Variants in NALF1 observed in about 807,000 individuals in gnomAD.
NALF1 encodes NALCN channel auxiliary factor 1, also known as family with sequence similarity 155 member A.
NALF1 carries 3 observed loss-of-function variants against 48.4 expected under a neutral mutation model. The ratio of observed to expected loss-of-function variants is 0.06; its 90% confidence interval spans 0.03 to 0.16. The LOEUF (loss-of-function observed/expected upper bound fraction) is 0.16, where lower values mean the gene tolerates loss of function less well. Ranked by LOEUF, NALF1 falls within the 10% of genes least tolerant of loss-of-function variation. The pLI, the probability that NALF1 is intolerant of heterozygous loss-of-function variation, is 1.00. For missense variants in NALF1, 526 were observed against 571.5 expected, an observed-to-expected ratio of 0.92 and a Z score of 0.81; for synonymous variants, 262 against 245.7, an observed-to-expected ratio of 1.07 and a Z score of -0.62.
At chr13:107,330,952 T>C (rs1229065708) in intron 1 of NALF1, among the ~76,000 whole-genome samples, 2 of 152,232 alleles carry the variant, frequency 1.3e-5, no homozygotes, top group African/African-American at 4.8e-5. Flanking sequence ...TGAATGACTT[T>C]TTAAAATAGT....
chr13:107,817,563 G>A (rs1212336213), intron 1 of NALF1, among the ~76,000 whole-genome samples: 1 of 152,146 alleles, frequency 6.6e-6, no homozygotes, highest in Non-Finnish European at 1.5e-5. Context: ...TCCTCTTAAA[G>A]AAATCCTTGT....
intron 1 of NALF1, among the ~76,000 whole-genome samples, chr13:107,277,144 T>A (rs1414044694): frequency 6.6e-6 from 1 of 152,196 alleles, no homozygotes; most frequent in African/African-American, 2.4e-5. Flanking sequence ...GAATACTGAG[T>A]ATCTGCCCGG....
chr13:107,350,852 C>T (rs1882860101), intron 1 of NALF1, among the ~76,000 whole-genome samples: 1 of 152,164 alleles, frequency 6.6e-6, no homozygotes, highest in Non-Finnish European at 1.5e-5. Flanking sequence ...ACACCAGAGA[C>T]TGCATTTCTA....
chr13:107,428,896 A>T (rs770955158), intron 1 of NALF1, among the ~76,000 whole-genome samples: 2 of 152,226 alleles, frequency 1.3e-5, no homozygotes, highest in African/African-American at 2.4e-5. Flanking sequence ...GGCTTAAGTG[A>T]ATCATTAGAC....
chr13:107,477,717 AT>A (rs1008115092), intron 1 of NALF1, among the ~76,000 whole-genome samples: 38 of 151,984 alleles, frequency 2.5e-4, no homozygotes, highest in African/African-American at 8.7e-4. Flanking sequence ...TTTTAAGAGC[AT>A]TTATTTTAGG....
At chr13:107,394,331 G>C (rs1475857248) in intron 1 of NALF1, among the ~76,000 whole-genome samples, 2 of 152,138 alleles carry the variant, frequency 1.3e-5, no homozygotes, top group Non-Finnish European at 2.9e-5. Context: ...AATCTCAACA[G>C]CTTAAAATAA....
chr13:107,581,085 G>A (rs1278267165), intron 1 of NALF1, among the ~76,000 whole-genome samples: 3 of 152,064 alleles, frequency 2.0e-5, no homozygotes, highest in Non-Finnish European at 2.9e-5. Context: ...ATTTTTTCAA[G>A]AAAAAATTTA....
chr13:107,667,153 C>T (rs1375734654), intron 1 of NALF1, among the ~76,000 whole-genome samples: 2 of 151,962 alleles, frequency 1.3e-5, no homozygotes, highest in Non-Finnish European at 2.9e-5. Context: ...TAAATGCACC[C>T]TCAATTAATA....
chr13:107,352,471 C>G (rs1882894923), intron 1 of NALF1, among the ~76,000 whole-genome samples: 1 of 152,118 alleles, frequency 6.6e-6, no homozygotes, highest in African/African-American at 2.4e-5. Flanking sequence ...TCTCACAGTT[C>G]TGGAGGCTGA....
At chr13:107,425,338 C>A (rs183281403) in intron 1 of NALF1, among the ~76,000 whole-genome samples, 10 of 152,158 alleles carry the variant, frequency 6.6e-5, no homozygotes, top group Non-Finnish European at 1.3e-4. Context: ...ATACTATAAA[C>A]GTGTTTTCCC....
intron 1 of NALF1, among the ~76,000 whole-genome samples, chr13:107,395,429 C>G (rs901902616): frequency 6.6e-6 from 1 of 152,122 alleles, no homozygotes; most frequent in South Asian, 2.1e-4. Context: ...CCTAGTACCT[C>G]TTCAGAGCTT....
At chr13:107,526,010 T>A (rs999639623) in intron 1 of NALF1, among the ~76,000 whole-genome samples, 2 of 152,148 alleles carry the variant, frequency 1.3e-5, no homozygotes, top group African/African-American at 2.4e-5. Flanking sequence ...CCATTGAGTT[T>A]TAAGTGATTT....
chr13:107,670,232 T>A (rs1880957693), intron 1 of NALF1, among the ~76,000 whole-genome samples: 1 of 152,204 alleles, frequency 6.6e-6, no homozygotes, highest in Non-Finnish European at 1.5e-5. Flanking sequence ...TGTGGTCTTA[T>A]TGACGAGTAA....
intron 1 of NALF1, among the ~76,000 whole-genome samples, chr13:107,692,819 CA>C (rs1364560112): frequency 1.3e-5 from 2 of 152,158 alleles, no homozygotes; most frequent in East Asian, 3.9e-4. Context: ...GAAATCTCCC[CA>C]TTCACTGTCT....
At chr13:107,434,593 C>T (rs1461708073) in intron 1 of NALF1, among the ~76,000 whole-genome samples, 2 of 152,218 alleles carry the variant, frequency 1.3e-5, no homozygotes, top group Non-Finnish European at 2.9e-5. Flanking sequence ...ACTTGCATCA[C>T]TGGACCTAAG....
chr13:107,788,114 C>T (rs1878126196), intron 1 of NALF1, among the ~76,000 whole-genome samples: 1 of 152,142 alleles, frequency 6.6e-6, no homozygotes, highest in South Asian at 2.1e-4. Context: ...GCATTTAAAT[C>T]TTCTTCATCC....
At chr13:107,845,353 A>C (rs994176500) in intron 1 of NALF1, among the ~76,000 whole-genome samples, 4 of 152,144 alleles carry the variant, frequency 2.6e-5, no homozygotes, top group Non-Finnish European at 5.9e-5. Context: ...AAACAATCAG[A>C]ATGTCCAGTG....
chr13:107,172,315 TTATC>T (rs1272656957), intron 2 of NALF1, among the ~76,000 whole-genome samples: 1 of 152,276 alleles, frequency 6.6e-6, no homozygotes, highest in Non-Finnish European at 1.5e-5. Flanking sequence ...ATTTTCTTAC[TTATC>T]TGTCAATTTA....
At chr13:107,484,030 T>G (rs1885291795) in intron 1 of NALF1, among the ~76,000 whole-genome samples, 1 of 152,046 alleles carries the variant, frequency 6.6e-6, no homozygotes, top group African/African-American at 2.4e-5. Flanking sequence ...TAACAGCAAG[T>G]AAATGGAAAA....
Sources: allele counts gnomAD v4.1 joint callset (sites outside exome capture counted in the v4.1 genomes callset), GRCh38; gene constraint gnomAD v4.1.1; transcripts MANE v1.5; gene names NCBI Gene and HGNC (gene_info 2026-07-23, HGNC 2026-07-21).